Variants in ZNF318 observed in about 807,000 individuals in gnomAD.
ZNF318 encodes endocrine regulator.
In ZNF318, 51 loss-of-function variants were observed where a neutral mutation model predicts 124.2. That is an observed-to-expected ratio of 0.41 (90% CI 0.33 to 0.52). The LOEUF (loss-of-function observed/expected upper bound fraction) is 0.52, where lower values mean the gene tolerates loss of function less well. ZNF318 is among the 20% of genes least tolerant of loss of function. The probability of loss-of-function intolerance (pLI) is 0.23; values close to 1 mark genes in which losing one functional copy is unlikely to be tolerated. For missense variants in ZNF318, 2,815 were observed against 2,811.2 expected (o/e 1.00, Z -0.03); for synonymous variants, 1,090 against 1,040.7 (o/e 1.05, Z -0.91).
chr6:43,341,411 G>C (rs138800396), intron 8 of ZNF318, among the ~76,000 whole-genome samples: 2,063 of 152,234 alleles, frequency 0.014, 45 homozygotes, highest in African/African-American at 0.047. Flanking sequence ...CCAGCACTTT[G>C]GGAGGCAGAG....
intron 8 of ZNF318, among the ~76,000 whole-genome samples, chr6:43,341,270 T>C (rs1779370595): frequency 6.6e-6 from 1 of 152,208 alleles, no homozygotes; most frequent in Non-Finnish European, 1.5e-5. Context: ...TGATGATCTC[T>C]CATGTTGGTA....
intron 2 of ZNF318, chr6:43,364,019 C>G: frequency 1.3e-6 from 1 of 757,274 alleles, no homozygotes; most frequent in Non-Finnish European, 2.3e-6. Flanking sequence ...CCCAAGGGCA[C>G]TGGCATCGTC....
chr6:43,366,678 C>T (rs1779765169), intron 1 of ZNF318, among the ~76,000 whole-genome samples: 1 of 152,150 alleles, frequency 6.6e-6, no homozygotes, highest in African/African-American at 2.4e-5. Context: ...TGTTGGTACG[C>T]ACCTGTAGTC....
Position 43,339,349 on chromosome 6 carries a change from G to A in ZNF318, c.4649C>T (p.Ala1550Val), listed in dbSNP as rs781573164. Residue 1550 changes from alanine (A) to valine (V), a missense_variant, in exon 10 of 10, where the codon GCC becomes GTC. By Grantham distance (64) the Ala-to-Val change is moderately conservative. Around this residue, in one of 4 missense-constraint regions of ZNF318, gnomAD observed 11 missense variants for 31.9 expected, o/e 0.35. Transcript: ENST00000361428. The surrounding 1 kb of genome is among the most constrained non-coding windows in gnomAD (Gnocchi z 4.2). Reference protein sequence around the residue: ...PPLSSVFSEQAKKLEKRNSCL... With the variant: ...PPLSSVFSEQVKKLEKRNSCL... Reference sequence around the variant, plus strand: ...TGAATTTCGCTTCTCTAATTTTTTGGCTTGTTCACTGAACACACTTGAGAG... The same window carrying A: ...TGAATTTCGCTTCTCTAATTTTTTGACTTGTTCACTGAACACACTTGAGAG... 2 of 1,614,068 alleles carry A rather than the reference G, an allele frequency of 1.2e-6. No homozygotes were observed. Among genetic ancestry groups the A allele is most frequent in the Non-Finnish European group, 1.7e-6 (2 of 1,180,022 alleles).
intron 5 of ZNF318, among the ~76,000 whole-genome samples, chr6:43,349,558 C>T (rs969868689): frequency 6.6e-6 from 1 of 152,014 alleles, no homozygotes; most frequent in Admixed American, 6.6e-5. Context: ...TTCCAAACTG[C>T]AGATCCTCTG....
chr6:43,340,497 A>G lies in ZNF318; in HGVS notation c.3501T>C (p.Tyr1167=), dbSNP rs1247854497. The G allele has an allele frequency of 1.9e-6, 3 of 1,577,846 alleles. No homozygotes were observed. The highest frequency in any genetic ancestry group is 2.2e-5 in the East Asian group (1 of 44,576). The change falls in exon 10 of 10, where the codon TAT becomes TAC. Residue 1167 remains tyrosine (Y), a synonymous_variant. Transcript: ENST00000361428. Reference sequence around the variant, plus strand: ...CCTCATATAATGGGTTTTCATCCACATATTTCTGGGAAGAAAAAAGATAAA... The same window carrying G: ...CCTCATATAATGGGTTTTCATCCACGTATTTCTGGGAAGAAAAAAGATAAA... ...GHQHNEKYKK[Y]VDENPLYEER...
chr6:43,358,208 GTACTT>G (rs1421994824), intron 2 of ZNF318, among the ~76,000 whole-genome samples: 1 of 152,132 alleles, frequency 6.6e-6, no homozygotes, highest in Non-Finnish European at 1.5e-5. Flanking sequence ...TGATTTGTCT[GTACTT>G]TAAAGTTTGA....
chr6:43,342,173 G>C lies in ZNF318; in HGVS notation c.3315C>G (p.Thr1105=). 1 of 1,613,728 alleles carries C rather than the reference G, an allele frequency of 6.2e-7. No individual in the cohort carries two copies. The highest frequency in any genetic ancestry group is 1.1e-5 in the South Asian group (1 of 91,058). The change falls in exon 8 of 10, where the codon ACC becomes ACG. Residue 1105 remains threonine, a synonymous_variant. Transcript: ENST00000361428. ...TGGCATCTTGCTTGGCCTCACTCTG[G>C]GTCTTTGAAGCCCAAGGTCTGTTGT... ...DPYNRPWASK[T]QSEAKQDAIK...
rs1180416139 is a variant in ZNF318 at position 43,362,518 on chromosome 6, C to CTTTTTTTTT, written c.548+2765_548+2773dup. 8.7e-5 allele frequency among the ~76,000 whole-genome samples: 7 copies of CTTTTTTTTT among 80,896 alleles called. 2 individuals carry two copies. Among genetic ancestry groups the CTTTTTTTTT allele is most frequent in the Non-Finnish European group, 8.4e-5 (4 of 47,628 alleles). 53.1% of individuals were successfully genotyped at this position (80,896 alleles called of 152,430 possible). A position where few individuals can be genotyped will look rare whatever the true frequency, so the allele number is the denominator to read the frequency against. On this transcript the variant is annotated intron_variant, in intron 2 of 9. Coordinates refer to ENST00000361428, the MANE Select transcript of ZNF318 (RefSeq NM_014345.3). ...AAAAAATAAACATCTACATACACGT[C>CTTTTTTTTT]TTTTTTTTTTTTTTTTTTTTTTTGA...
intron 1 of ZNF318, among the ~76,000 whole-genome samples, chr6:43,366,322 T>G (rs181384154): frequency 3.9e-5 from 6 of 152,276 alleles, no homozygotes; most frequent in Admixed American, 1.3e-4. Flanking sequence ...GAAAGCACAG[T>G]TGGGAAATTT....
At chr6:43,340,751 G>A (rs1410662674) in intron 9 of ZNF318, 39 bp downstream of exon 9, 2 of 1,573,902 alleles carry the variant, frequency 1.3e-6, no homozygotes, top group Admixed American at 1.7e-5. Context: ...AATTACTTCA[G>A]AAAAGTTGGA....
chr6:43,338,047 T>C lies in ZNF318; in HGVS notation c.5951A>G (p.Asp1984Gly), dbSNP rs772446071. The change falls in exon 10 of 10, where the codon GAT becomes GGT. Residue 1984 changes from aspartate (D) to glycine (G), a missense_variant. Physicochemically the swap from Asp to Gly is moderately conservative, Grantham distance 94. Coordinates refer to ENST00000361428, the MANE Select transcript of ZNF318 (RefSeq NM_014345.3). Reference sequence around the variant, plus strand: ...TGTCACTGTTAACTCTGGATGGACATCTTGTAGCTCCAGTGCTTCTGTTTT... The same window carrying C: ...TGTCACTGTTAACTCTGGATGGACACCTTGTAGCTCCAGTGCTTCTGTTTT... ...KPKTEALELQDVHPELTVTIE... is the reference protein window; with the variant it reads ...KPKTEALELQGVHPELTVTIE... 1.9e-6 allele frequency: 3 copies of C among 1,614,204 alleles called. No individual in the cohort carries two copies. Among genetic ancestry groups the C allele is most frequent in the Middle Eastern group, 3.3e-4 (2 of 6,062 alleles).
chr6:43,364,527 T>G (rs1393081479), intron 2 of ZNF318, among the ~76,000 whole-genome samples: 1 of 152,220 alleles, frequency 6.6e-6, no homozygotes, highest in Non-Finnish European at 1.5e-5. Context: ...TTATTGCTAC[T>G]GCTAATCATT....
intron 5 of ZNF318, among the ~76,000 whole-genome samples, chr6:43,349,533 T>A (rs956240548): frequency 4.6e-5 from 7 of 152,060 alleles, no homozygotes; most frequent in East Asian, 3.9e-4. Flanking sequence ...CTGGCTTTTT[T>A]AATGTTATCT....
Position 43,357,785 on chromosome 6 carries a change from T to C in ZNF318, c.549-20A>G, listed in dbSNP as rs1779630334. ...TCATCCCTGAGGAAAAAGAGAAGCA[T>C]CATTGAACAAATGGACTTGGAAAGA... On this transcript the variant is annotated intron_variant, in intron 2 of 9. Coordinates refer to ENST00000361428, the MANE Select transcript of ZNF318 (RefSeq NM_014345.3). 6.4e-7 allele frequency: 1 copy of C among 1,565,252 alleles called. No homozygotes were observed. Among genetic ancestry groups the C allele is most frequent in the Non-Finnish European group, 8.6e-7 (1 of 1,166,154 alleles).
At position 43,340,158 on chromosome 6, in the gene ZNF318, C is replaced by T; in HGVS notation, c.3840G>A (p.Lys1280=). 6.2e-7 allele frequency: 1 copy of T among 1,614,130 alleles called. No individual in the cohort carries two copies. The highest frequency in any genetic ancestry group is 1.1e-5 in the South Asian group (1 of 91,070). ...SSSFGKFSWK[K]PEKEEEKSSL... is the part of the protein sequence containing the mutation. ...AACTTTTCTCCTCTTCTTTTTCTGGCTTCTTCCAGCTGAATTTCCCAAAAG... is the reference window on the plus strand; with the variant it reads ...AACTTTTCTCCTCTTCTTTTTCTGGTTTCTTCCAGCTGAATTTCCCAAAAG... Residue 1280 remains lysine, a synonymous_variant, in exon 10 of 10, where the codon AAG becomes AAA. Coordinates refer to ENST00000361428, the MANE Select transcript of ZNF318 (RefSeq NM_014345.3).
chr6:43,358,376 T>G (rs985498044), intron 2 of ZNF318, among the ~76,000 whole-genome samples: 15 of 150,474 alleles, frequency 1.0e-4, no homozygotes, highest in Non-Finnish European at 1.8e-4. Context: ...GTCTCCCGAG[T>G]AACTGGGCCT....
intron 1 of ZNF318, among the ~76,000 whole-genome samples, chr6:43,367,506 A>G (rs1222586594): frequency 6.6e-6 from 1 of 152,290 alleles, no homozygotes; most frequent in Middle Eastern, 3.4e-3. Context: ...TGGCAGGAGG[A>G]TGGCAGTTTT....
chr6:43,347,684 A>T (rs1387990120), intron 6 of ZNF318, among the ~76,000 whole-genome samples: 1 of 152,170 alleles, frequency 6.6e-6, no homozygotes, highest in Admixed American at 6.5e-5. Flanking sequence ...CACTCAGAAG[A>T]CTCATTTGAC....
Sources: allele counts gnomAD v4.1 joint callset (sites outside exome capture counted in the v4.1 genomes callset), GRCh38; gene constraint gnomAD v4.1.1; regional missense constraint gnomAD v4.1.1; non-coding constraint Gnocchi (gnomAD v3.1); transcripts MANE v1.5; gene names NCBI Gene and HGNC (gene_info 2026-07-23, HGNC 2026-07-21).